SKAP2: variants seen among roughly 807,000 people sequenced by gnomAD.
SKAP2 encodes src kinase associated phosphoprotein 2, also known as src kinase-associated phosphoprotein 2.
A neutral mutation model predicts 54.9 loss-of-function variants in SKAP2; 28 were observed. The ratio of observed to expected loss-of-function variants is 0.51; its 90% CI spans 0.38 to 0.70. The LOEUF (loss-of-function observed/expected upper bound fraction) is 0.70, where lower values mean the gene tolerates loss of function less well. SKAP2 is among the 30% of genes least tolerant of loss of function. SKAP2 has a pLI of 0.00. For synonymous variants in SKAP2, 137 were observed against 134.3 expected, an observed-to-expected ratio of 1.02 and a Z score of -0.14; for missense variants, 356 against 424.1, an observed-to-expected ratio of 0.84 and a Z score of 1.41.
At chr7:26,686,111 T>C (rs558101298) in intron 10 of SKAP2, among the ~76,000 whole-genome samples, 74 of 152,284 alleles carry the variant, frequency 4.9e-4, no homozygotes, top group Non-Finnish European at 8.5e-4. Flanking sequence ...TACAAAGTGT[T>C]AGGTTTACTA....
intron 9 of SKAP2, among the ~76,000 whole-genome samples, chr7:26,719,581 A>G (rs1255699606): frequency 6.6e-6 from 1 of 152,146 alleles, no homozygotes; most frequent in African/African-American, 2.4e-5. Context: ...AGGATAAATC[A>G]AGTATTCACA....
chr7:26,786,391 TA>T (rs1783545427), intron 4 of SKAP2, among the ~76,000 whole-genome samples: 1 of 152,160 alleles, frequency 6.6e-6, no homozygotes. Flanking sequence ...TTATTTCAGA[TA>T]ATGGCAAATG....
intron 11 of SKAP2, among the ~76,000 whole-genome samples, chr7:26,670,458 A>C (rs187747601): frequency 1.3e-5 from 2 of 151,966 alleles, no homozygotes; most frequent in Non-Finnish European, 2.9e-5. Context: ...AAATGAAACT[A>C]CCTCAGGAAG....
chr7:26,720,051 A>AACACAC lies in SKAP2; in HGVS notation c.796+5371_796+5376dup, dbSNP rs57945020. Among the ~76,000 whole-genome samples the AACACAC allele has an allele frequency of 5.2e-3, 741 of 141,794 alleles. 2 individuals carry two copies. The highest frequency in any genetic ancestry group is 0.011 in the Middle Eastern group (3 of 274). 93.0% of individuals were successfully genotyped at this position (141,794 alleles called of 152,430 possible). A position where few individuals can be genotyped will look rare whatever the true frequency, so the allele number is the denominator to read the frequency against. On this transcript the variant is annotated intron_variant, in intron 9 of 12. Transcript: ENST00000345317. Reference sequence around the variant, plus strand: ...TGGCCCTTACCCACCACATATCTGTAACACACACACACACACACACACACA... The same window carrying AACACAC: ...TGGCCCTTACCCACCACATATCTGTAACACACACACACACACACACACACACACACA...
chr7:26,677,920 G>A (rs1339173393), intron 11 of SKAP2, among the ~76,000 whole-genome samples: 1 of 152,202 alleles, frequency 6.6e-6, no homozygotes, highest in Non-Finnish European at 1.5e-5. Flanking sequence ...CTGTTGTTTA[G>A]AACTGGGATG....
intron 4 of SKAP2, among the ~76,000 whole-genome samples, chr7:26,830,271 C>T (rs1784571746): frequency 6.6e-6 from 1 of 152,134 alleles, no homozygotes; most frequent in Admixed American, 6.6e-5. Flanking sequence ...CTGAGAGTGA[C>T]TACTCATGGC....
intron 4 of SKAP2, among the ~76,000 whole-genome samples, chr7:26,837,324 T>G (rs1784735222): frequency 6.6e-6 from 1 of 152,042 alleles, no homozygotes; most frequent in Non-Finnish European, 1.5e-5. Context: ...CCCCAGAACT[T>G]AAAGTATAAT....
chr7:26,765,749 T>C (rs1443107416), intron 4 of SKAP2, among the ~76,000 whole-genome samples: 1 of 152,222 alleles, frequency 6.6e-6, no homozygotes, highest in Non-Finnish European at 1.5e-5. Context: ...TGCTTGTTTT[T>C]GTCAGGTTTG....
Position 26,769,977 on chromosome 7 carries a change from G to A in SKAP2, c.308-30013C>T, listed in dbSNP as rs576851053. 2.6e-5 allele frequency among the ~76,000 whole-genome samples: 4 copies of A among 152,334 alleles called. No individual in the cohort carries two copies. The South Asian group carries it at 6.2e-4, about 24-fold the overall frequency. On this transcript the variant is annotated intron_variant, in intron 4 of 12. Coordinates refer to ENST00000345317, the MANE Select transcript of SKAP2 (RefSeq NM_003930.5). Reference sequence around the variant, plus strand: ...GTCTGACCCTTAGCAGAGCTTGAGAGCTGTGCTGGGAGATCTGCTGCGCTC... The same window carrying A: ...GTCTGACCCTTAGCAGAGCTTGAGAACTGTGCTGGGAGATCTGCTGCGCTC...
chr7:26,817,886 T>G (rs923681617), intron 4 of SKAP2, among the ~76,000 whole-genome samples: 2 of 152,062 alleles, frequency 1.3e-5, no homozygotes, highest in Non-Finnish European at 2.9e-5. Flanking sequence ...ACAGAAGATA[T>G]GAAGGACTTC....
At chr7:26,829,258 C>A (rs561163031) in intron 4 of SKAP2, among the ~76,000 whole-genome samples, 1 of 152,104 alleles carries the variant, frequency 6.6e-6, no homozygotes, top group Non-Finnish European at 1.5e-5. Flanking sequence ...TGGCTCATGC[C>A]TGTGCTCAAC....
chr7:26,858,397 C>A (rs954220323), intron 1 of SKAP2, among the ~76,000 whole-genome samples: 1 of 152,192 alleles, frequency 6.6e-6, no homozygotes, highest in African/African-American at 2.4e-5. Flanking sequence ...CACGGTACAG[C>A]TGTAAGGATC....
chr7:26,747,179 G>A (rs1411839195), intron 4 of SKAP2, among the ~76,000 whole-genome samples: 1 of 152,036 alleles, frequency 6.6e-6, no homozygotes, highest in Non-Finnish European at 1.5e-5. Context: ...TTTTCTCATC[G>A]TAGCACTATT....
chr7:26,768,844 T>C (rs1160648927), intron 4 of SKAP2, among the ~76,000 whole-genome samples: 1 of 152,234 alleles, frequency 6.6e-6, no homozygotes, highest in Non-Finnish European at 1.5e-5. Flanking sequence ...CTGATGGGCT[T>C]CCCTTTGTGG....
chr7:26,822,210 A>G (rs1365593898), intron 4 of SKAP2, among the ~76,000 whole-genome samples: 1 of 152,138 alleles, frequency 6.6e-6, no homozygotes, highest in East Asian at 1.9e-4. Context: ...GCTTTAATGC[A>G]CTTTACAGAT....
chr7:26,752,872 C>G (rs925411221), intron 4 of SKAP2, among the ~76,000 whole-genome samples: 2 of 152,160 alleles, frequency 1.3e-5, no homozygotes, highest in Non-Finnish European at 2.9e-5. Context: ...TAAGCATATA[C>G]CTACTTTGTA....
chr7:26,657,916 C>A, the SKAP2 span, among the ~76,000 whole-genome samples: 1 of 152,078 alleles, frequency 6.6e-6, no homozygotes, highest in Non-Finnish European at 1.5e-5. Flanking sequence ...CCAATTTCCT[C>A]TCTGTAAGCT....
intron 4 of SKAP2, among the ~76,000 whole-genome samples, chr7:26,758,224 G>C (rs1264815817): frequency 6.8e-6 from 1 of 148,070 alleles, no homozygotes; most frequent in African/African-American, 2.5e-5. Flanking sequence ...CTTTTGCAGA[G>C]AGGGAACAAC....
chr7:26,717,577 G>A (rs1787480438), intron 9 of SKAP2, among the ~76,000 whole-genome samples: 1 of 117,524 alleles, frequency 8.5e-6, no homozygotes, highest in South Asian at 3.0e-4. Context: ...TATAATCCCA[G>A]CACTTTGAGA....
Sources: gnomAD v4.1 joint callset for allele counts (sites outside exome capture counted in the v4.1 genomes callset) on GRCh38, gnomAD v4.1.1 for gene constraint, MANE v1.5 for transcripts, NCBI Gene and HGNC (gene_info 2026-07-23, HGNC 2026-07-21) for gene names.